CIAPIN1: variants seen among roughly 807,000 people sequenced by gnomAD.
The protein encoded by CIAPIN1 is anamorsin.
CIAPIN1 carries 18 observed loss-of-function variants against 34.3 expected under a neutral mutation model. The observed-to-expected ratio is 0.52, with a 90% CI of 0.36 to 0.78. The LOEUF (loss-of-function observed/expected upper bound fraction) is 0.78, where lower values mean the gene tolerates loss of function less well. Among genes scored for constraint, CIAPIN1 ranks in the 30% least tolerant of loss-of-function variants. The pLI is 0.00. For synonymous variants in CIAPIN1, 131 were observed against 140.4 expected (o/e 0.93, Z 0.47); for missense variants, 310 against 372.5 (o/e 0.83, Z 1.38).
chr16:57,439,113 G>T, intron 3 of CIAPIN1, 69 bp downstream of exon 3: 2 of 1,501,608 alleles, frequency 1.3e-6, no homozygotes, highest in South Asian at 1.1e-5. Context: ...TCCTGCTCAC[G>T]GAGATGCAGC....
chr16:57,431,120 C>T lies in CIAPIN1; in HGVS notation c.746+31G>A, dbSNP rs369493830. The T allele has an allele frequency of 2.9e-6, 4 of 1,377,048 alleles. No homozygotes were observed. In the East Asian group the frequency reaches 6.9e-5, roughly 24 times the overall value. 85.3% of individuals were successfully genotyped at this position (1,377,048 alleles called of 1,614,324 possible). On this transcript the variant is annotated intron_variant, in intron 7 of 8. Transcript: ENST00000394391. Reference sequence around the variant, plus strand: ...TTCAGCATGAAGCCACTGGAGGCAGCATGGCAGGCTCCAGTCACCCCAGCA... The same window carrying T: ...TTCAGCATGAAGCCACTGGAGGCAGTATGGCAGGCTCCAGTCACCCCAGCA...
chr16:57,433,903 A>T, intron 5 of CIAPIN1, 141 bp downstream of exon 5: 1 of 757,326 alleles, frequency 1.3e-6, no homozygotes, highest in Non-Finnish European at 2.3e-6. Context: ...ATAGTACATT[A>T]AGTATTCTTC....
rs1158364672 is a variant in CIAPIN1 at position 57,428,199 on chromosome 16, CT to C, written c.*970del. On this transcript the variant is annotated 3_prime_UTR_variant, in exon 9 of 9. Coordinates refer to ENST00000394391, the MANE Select transcript of CIAPIN1 (RefSeq NM_020313.4). ...TTTCAAGGACAGATATCAATGAAAA[CT>C]TTTATTTACTGGTAAAATATAAAAA... is the stretch of plus-strand genomic sequence containing the variant. The C allele has an allele frequency of 2.0e-5, 3 of 152,182 alleles. No individual in the cohort carries two copies. Among genetic ancestry groups the C allele is most frequent in the Non-Finnish European group, 4.4e-5 (3 of 68,032 alleles). The allele number at this position is 152,182 out of a possible 1,614,324, so 9.4% of individuals were successfully genotyped here.
At chr16:57,439,704 T>G (rs7203057) in intron 2 of CIAPIN1, among the ~76,000 whole-genome samples, 9,743 of 152,322 alleles carry the variant, frequency 0.064, 356 homozygotes, top group African/African-American at 0.093. Flanking sequence ...AATCTCTGAA[T>G]ATAAATTGTG....
intron 5 of CIAPIN1, 56 bp from the exon 6 acceptor site, chr16:57,432,616 T>G: frequency 6.9e-7 from 1 of 1,451,658 alleles, no homozygotes; most frequent in Non-Finnish European, 9.6e-7. Context: ...AACTATTAAT[T>G]ACAAACATAC....
At position 57,439,088 on chromosome 16, in the gene CIAPIN1, T is replaced by A. The variant is rs575123953; in HGVS notation, c.310+94A>T. On this transcript the variant is annotated intron_variant, in intron 3 of 8. Transcript: ENST00000394391. ...AAAGGTTTTGCTACAGGAATACTGA[T>A]CTCCCAATGATACCTCCTGCTCACG... 4.1e-5 allele frequency: 51 copies of A among 1,231,944 alleles called. No individual in the cohort carries two copies. The African/African-American group carries it at 7.4e-4, about 18-fold the overall frequency. The allele number at this position is 1,231,944 out of a possible 1,614,324, so 76.3% of individuals were successfully genotyped here.
At chr16:57,446,198 C>T (rs180847898) in intron 1 of CIAPIN1, among the ~76,000 whole-genome samples, 21 of 152,162 alleles carry the variant, frequency 1.4e-4, no homozygotes, top group Admixed American at 1.2e-3. Flanking sequence ...AGGCATTTGG[C>T]GTGTGTCAGG....
At chr16:57,430,109 C>T in intron 8 of CIAPIN1, 149 bp downstream of exon 8, 1 of 668,040 alleles carries the variant, frequency 1.5e-6, no homozygotes. Context: ...CAGGAGACAG[C>T]CTCTCTCCCC....
chr16:57,436,642 G>A lies in CIAPIN1; in HGVS notation c.387+14C>T. 1 of 1,606,654 alleles carries A rather than the reference G, an allele frequency of 6.2e-7. No homozygotes were observed. The highest frequency in any genetic ancestry group is 8.5e-7 in the Non-Finnish European group (1 of 1,173,520). ...CACCTGCAGGGCAGCAAAGAAAGTTGTCTACAAACGTACCTCTTTCACTTC... is the reference window on the plus strand; with the variant it reads ...CACCTGCAGGGCAGCAAAGAAAGTTATCTACAAACGTACCTCTTTCACTTC... On this transcript the variant is annotated intron_variant, in intron 4 of 8. Coordinates refer to ENST00000394391, the MANE Select transcript of CIAPIN1 (RefSeq NM_020313.4).
At chr16:57,430,226 T>C (rs770741415) in intron 8 of CIAPIN1, 32 bp downstream of exon 8, 1 of 1,591,944 alleles carries the variant, frequency 6.3e-7, no homozygotes, top group Non-Finnish European at 8.6e-7. Context: ...CCTGGGGGTT[T>C]GTGAATGCTG....
Position 57,432,552 on chromosome 16 carries a change from C to G in CIAPIN1, c.565G>C (p.Ala189Pro). ...TKKSSPSVKP[A>P]VDPAAAKLWT... Reference sequence around the variant, plus strand: ...AGCTTGGCAGCAGCAGGGTCCACAGCAGGTTTCACTGAGTCCAAGCAATAA... The same window carrying G: ...AGCTTGGCAGCAGCAGGGTCCACAGGAGGTTTCACTGAGTCCAAGCAATAA... The change falls in exon 6 of 9, where the codon GCT (alanine) becomes CCT (proline). Residue 189 changes from alanine to proline, a missense_variant. Ala to Pro is a conservative substitution (Grantham distance 27). Coordinates refer to ENST00000394391, the MANE Select transcript of CIAPIN1 (RefSeq NM_020313.4). 6.2e-7 allele frequency: 1 copy of G among 1,612,618 alleles called. No homozygotes were observed. Among genetic ancestry groups the G allele is most frequent in the Non-Finnish European group, 8.5e-7 (1 of 1,179,756 alleles).
chr16:57,430,529 G>C, intron 7 of CIAPIN1, 190 bp from the exon 8 acceptor site: 3 of 603,436 alleles, frequency 5.0e-6, no homozygotes, highest in Non-Finnish European at 8.9e-6. Context: ...GAGGATGAGG[G>C]AAGTACCGTG....
intron 2 of CIAPIN1, 68 bp downstream of exon 2, chr16:57,440,704 C>A (rs1401529265): frequency 6.7e-7 from 1 of 1,497,548 alleles, no homozygotes; most frequent in Non-Finnish European, 9.0e-7. Flanking sequence ...TATCAAGGAA[C>A]CACAGAAATG....
chr16:57,431,251 C>T lies in CIAPIN1; in HGVS notation c.646G>A (p.Asp216Asn). The T allele has an allele frequency of 6.2e-7, 1 of 1,612,280 alleles. No individual in the cohort carries two copies. Among genetic ancestry groups the T allele is most frequent in the Non-Finnish European group, 8.5e-7 (1 of 1,178,492 alleles). ...AAATCTTCTGGATCCAGCAGCTCATCTGAGTCAATGAGATCCTGGAGAGTG... is the reference window on the plus strand; with the variant it reads ...AAATCTTCTGGATCCAGCAGCTCATTTGAGTCAATGAGATCCTGGAGAGTG... ...EDDSMDLIDSDELLDPEDLKK... is the reference protein window; with the variant it reads ...EDDSMDLIDSNELLDPEDLKK... Residue 216 changes from aspartate to asparagine, a missense_variant, in exon 7 of 9, where the codon GAT becomes AAT. By Grantham distance (23) the Asp-to-Asn change is conservative. Coordinates refer to ENST00000394391, the MANE Select transcript of CIAPIN1 (RefSeq NM_020313.4).
chr16:57,432,443 G>A (rs753951408), intron 6 of CIAPIN1, 44 bp downstream of exon 6: 1 of 1,577,964 alleles, frequency 6.3e-7, no homozygotes, highest in Non-Finnish European at 8.7e-7. Context: ...CACCCAAACT[G>A]GGGCCTGAAA....
At chr16:57,436,876 T>G in intron 3 of CIAPIN1, 144 bp from the exon 4 acceptor site, 2 of 519,966 alleles carry the variant, frequency 3.8e-6, no homozygotes, top group Non-Finnish European at 6.8e-6. Context: ...CCCAGCACTT[T>G]GGGAGGCTGA....
intron 3 of CIAPIN1, among the ~76,000 whole-genome samples, chr16:57,437,915 G>GT (rs146655340): frequency 7.2e-5 from 11 of 152,056 alleles, no homozygotes; most frequent in Non-Finnish European, 1.3e-4. Flanking sequence ...CATTATTATT[G>GT]TTTTTTTATC....
chr16:57,438,204 T>C (rs1457117622), intron 3 of CIAPIN1, among the ~76,000 whole-genome samples: 1 of 152,220 alleles, frequency 6.6e-6, no homozygotes, highest in Non-Finnish European at 1.5e-5. Flanking sequence ...TTCTATTTGA[T>C]GAAATGGTTA....
chr16:57,430,239 G>GA lies in CIAPIN1; in HGVS notation c.828+18dup. ...CCCCTGGGGGTTTGTGAATGCTGAG[G>GA]AATGATCCTGATATTTACGTTTCCA... is the stretch of plus-strand genomic sequence containing the variant. On this transcript the variant is annotated intron_variant, in intron 8 of 8. Transcript: ENST00000394391. 6.2e-7 allele frequency: 1 copy of GA among 1,607,810 alleles called. No individual in the cohort carries two copies.
Sources: allele counts gnomAD v4.1 joint callset (sites outside exome capture counted in the v4.1 genomes callset), GRCh38; gene constraint gnomAD v4.1.1; transcripts MANE v1.5; gene names NCBI Gene and HGNC (gene_info 2026-07-23, HGNC 2026-07-21).